Variants in SLC35F3 observed in about 807,000 individuals in gnomAD.
SLC35F3 encodes the protein putative thiamine transporter SLC35F3.
In SLC35F3, 25 loss-of-function variants were observed where a neutral mutation model predicts 49.9. The ratio of observed to expected loss-of-function variants is 0.50; its 90% CI spans 0.37 to 0.70. The LOEUF (loss-of-function observed/expected upper bound fraction) is 0.70, where lower values mean the gene tolerates loss of function less well. SLC35F3 is among the 30% of genes least tolerant of loss of function. The probability of loss-of-function intolerance (pLI) is 0.00; values close to 1 mark genes in which losing one functional copy is unlikely to be tolerated. For missense variants in SLC35F3, 525 were observed against 639.8 expected, an observed-to-expected ratio of 0.82 and a Z score of 1.94; for synonymous variants, 275 against 265.4, an observed-to-expected ratio of 1.04 and a Z score of -0.35.
chr1:233,979,214 A>G (rs1413443458), intron 2 of SLC35F3, among the ~76,000 whole-genome samples: 2 of 152,174 alleles, frequency 1.3e-5, no homozygotes, highest in African/African-American at 2.4e-5. Flanking sequence ...TCAGGAAGGT[A>G]CCTGGCCTCT....
At chr1:234,021,931 TC>T (rs775215675) in intron 2 of SLC35F3, among the ~76,000 whole-genome samples, 2 of 152,224 alleles carry the variant, frequency 1.3e-5, no homozygotes, top group Non-Finnish European at 2.9e-5. Flanking sequence ...GTGCCCAGCT[TC>T]CCACCCATGA....
intron 2 of SLC35F3, among the ~76,000 whole-genome samples, chr1:234,108,679 TA>T (rs549349213): frequency 0.13 from 15,447 of 121,944 alleles, 2,343 homozygotes; most frequent in East Asian, 0.78. Flanking sequence ...AAGATATATA[TA>T]TTTTTATATA....
intron 2 of SLC35F3, among the ~76,000 whole-genome samples, chr1:234,194,019 A>G (rs1279251645): frequency 6.6e-6 from 1 of 152,226 alleles, no homozygotes; most frequent in African/African-American, 2.4e-5. Context: ...TAGTACAACC[A>G]CTATGGAAAA....
intron 3 of SLC35F3, among the ~76,000 whole-genome samples, chr1:234,237,927 C>T (rs1171081489): frequency 1.3e-5 from 2 of 152,162 alleles, no homozygotes; most frequent in Non-Finnish European, 2.9e-5. Context: ...TAGTCTCATA[C>T]TCCTGCTCTC....
chr1:233,923,488 C>T (rs1662102525), intron 2 of SLC35F3, among the ~76,000 whole-genome samples: 1 of 152,158 alleles, frequency 6.6e-6, no homozygotes, highest in Non-Finnish European at 1.5e-5. Context: ...GATTTTTGCA[C>T]ATTGATTTTG....
At chr1:234,098,681 T>C (rs1665167141) in intron 2 of SLC35F3, among the ~76,000 whole-genome samples, 1 of 150,116 alleles carries the variant, frequency 6.7e-6, no homozygotes. Flanking sequence ...TATAGGGTGA[T>C]GGTGGTGACT....
At chr1:234,099,030 C>T (rs913082467) in intron 2 of SLC35F3, among the ~76,000 whole-genome samples, 3 of 151,990 alleles carry the variant, frequency 2.0e-5, no homozygotes, top group African/African-American at 7.3e-5. Flanking sequence ...ATAGTGGTAC[C>T]TGCATTGAAG....
intron 2 of SLC35F3, among the ~76,000 whole-genome samples, chr1:233,936,655 C>T (rs1342093522): frequency 6.6e-6 from 1 of 151,830 alleles, no homozygotes; most frequent in Non-Finnish European, 1.5e-5. Context: ...TTCTCCTCCT[C>T]CTTTCTTCCC....
At chr1:234,110,488 A>C (rs1665389909) in intron 2 of SLC35F3, among the ~76,000 whole-genome samples, 1 of 152,252 alleles carries the variant, frequency 6.6e-6, no homozygotes, top group African/African-American at 2.4e-5. Context: ...AGTGTCTTAT[A>C]CACAGTAGGT....
intron 3 of SLC35F3, chr1:234,284,903 G>A (rs1386034058): frequency 6.3e-6 from 1 of 159,336 alleles, no homozygotes; most frequent in Non-Finnish European, 1.4e-5. Flanking sequence ...GTACTAGAAT[G>A]GTTCCAAACG....
chr1:233,923,085 G>A (rs1367117526), intron 2 of SLC35F3, among the ~76,000 whole-genome samples: 1 of 152,158 alleles, frequency 6.6e-6, no homozygotes, highest in East Asian at 1.9e-4. Context: ...GTAGCGTGAT[G>A]CCTCCAGGTT....
Position 233,933,772 on chromosome 1 carries a change from C to T in SLC35F3, c.283+28014C>T, listed in dbSNP as rs116339987. ...AGGAGAATCGCTTGAACCTGGAAGG[C>T]GTAGGCGTAGGCGCAGGCTGCAGTG... On this transcript the variant is annotated intron_variant, in intron 2 of 7. Transcript: ENST00000366618. Among the ~76,000 whole-genome samples, 980 of 152,214 alleles carry T rather than the reference C, an allele frequency of 6.4e-3. 10 individuals carry two copies. The highest frequency in any genetic ancestry group is 0.022 in the African/African-American group (922 of 41,522).
intron 3 of SLC35F3, among the ~76,000 whole-genome samples, chr1:234,308,413 A>G (rs1245619262): frequency 6.6e-6 from 1 of 152,156 alleles, no homozygotes; most frequent in Non-Finnish European, 1.5e-5. Context: ...ATGAGGCCCA[A>G]CACAAATTTG....
chr1:233,954,545 G>A (rs2102806988), intron 2 of SLC35F3, among the ~76,000 whole-genome samples: 1 of 152,324 alleles, frequency 6.6e-6, no homozygotes, highest in South Asian at 2.1e-4. Context: ...TCAATCCTAA[G>A]CATCCTTTGT....
intron 2 of SLC35F3, among the ~76,000 whole-genome samples, chr1:234,202,753 A>G (rs768930958): frequency 6.6e-6 from 1 of 152,248 alleles, no homozygotes; most frequent in African/African-American, 2.4e-5. Flanking sequence ...ACAGATAACA[A>G]TACAATAGCC....
intron 2 of SLC35F3, among the ~76,000 whole-genome samples, chr1:234,120,759 GGA>G (rs2102892998): frequency 6.6e-6 from 1 of 152,310 alleles, no homozygotes; most frequent in Admixed American, 6.5e-5. Context: ...ATGCCCTGCA[GGA>G]CGCCTCACTG....
chr1:234,192,546 C>T, intron 2 of SLC35F3, among the ~76,000 whole-genome samples: 1 of 152,094 alleles, frequency 6.6e-6, no homozygotes, highest in Non-Finnish European at 1.5e-5. Context: ...GACAAGGATG[C>T]CCACTCTCAC....
rs1165755775 is a variant in SLC35F3 at position 234,098,029 on chromosome 1, C to T, written c.284-133388C>T. Among the ~76,000 whole-genome samples the T allele has an allele frequency of 4.9e-3, 575 of 116,712 alleles. 7 individuals carry two copies. The highest frequency in any genetic ancestry group is 0.018 in the African/African-American group (528 of 29,898). 76.6% of individuals were successfully genotyped at this position (116,712 alleles called of 152,430 possible). A position where few individuals can be genotyped will look rare whatever the true frequency, so the allele number is the denominator to read the frequency against. ...TATAGGGTGATGATGGAGGTGGTGA[C>T]TGTGTTGGTGGTGGTGGTGGCAGTT... is the stretch of plus-strand genomic sequence containing the variant. On this transcript the variant is annotated intron_variant, in intron 2 of 7. Transcript: ENST00000366618.
At chr1:234,150,153 C>G (rs958723307) in intron 2 of SLC35F3, among the ~76,000 whole-genome samples, 2 of 152,246 alleles carry the variant, frequency 1.3e-5, no homozygotes, top group Admixed American at 1.3e-4. Flanking sequence ...GATTTATCCT[C>G]TAAAGGTTCA....
Sources: gnomAD v4.1 joint callset for allele counts (sites outside exome capture counted in the v4.1 genomes callset) on GRCh38, gnomAD v4.1.1 for gene constraint, MANE v1.5 for transcripts, NCBI Gene and HGNC (gene_info 2026-07-23, HGNC 2026-07-21) for gene names.